The following CT47C1 variants were observed in gnomAD, a reference collection of about 807,000 sequenced individuals.
The protein encoded by CT47C1 is cancer/testis antigen family 47 member A11 pseudogene.
the CT47C1 span, chrX:119,073,413 CA>C: frequency 3.8e-6 from 2 of 523,015 alleles, no homozygotes; most frequent in Non-Finnish European, 6.9e-6. Context: ...GAGCAGGCGG[CA>C]GGCTTGGCCG....
At chrX:119,075,652 TGAAAA>T in the CT47C1 span, among the ~76,000 whole-genome samples, 1 of 112,311 alleles carries the variant, frequency 8.9e-6, no homozygotes, top group Admixed American at 9.4e-5. Context: ...ATGTGACAAA[TGAAAA>T]GAATGTGTGT....
At chrX:119,074,950 T>G in the CT47C1 span, 1 of 1,032,597 alleles carries the variant, frequency 9.7e-7, no homozygotes, top group Non-Finnish European at 1.3e-6. Flanking sequence ...TGTATTATTC[T>G]TCGCTAAAGA....
the CT47C1 span, chrX:119,073,176 G>T: frequency 6.6e-6 from 3 of 456,302 alleles, no homozygotes; most frequent in Middle Eastern, 3.5e-4. Context: ...CGTCTTCACC[G>T]TTGTCACCTC....
At chrX:119,076,320 A>G in the CT47C1 span, 1 of 112,595 alleles carries the variant, frequency 8.9e-6, no homozygotes, top group African/African-American at 3.2e-5. Flanking sequence ...ATCTTTCACA[A>G]ATGTATTTGA....
chrX:119,073,484 G>T, the CT47C1 span: 1 of 512,551 alleles, frequency 2.0e-6, no homozygotes, highest in Non-Finnish European at 3.5e-6. Flanking sequence ...AGTGGAGATG[G>T]TGGAGGAGGA....
At chrX:119,073,910 G>C in the CT47C1 span, 1 of 832,667 alleles carries the variant, frequency 1.2e-6, no homozygotes, top group Non-Finnish European at 1.8e-6. Flanking sequence ...GAAGCCCACA[G>C]AGGAGGCCGC....
the CT47C1 span, among the ~76,000 whole-genome samples, chrX:119,075,401 A>G: frequency 1.8e-5 from 2 of 111,971 alleles, no homozygotes; most frequent in Middle Eastern, 9.2e-3. Context: ...CCTACTACCT[A>G]AGATCAATAT....
chrX:119,073,637 C>T, the CT47C1 span: 23 of 569,363 alleles, frequency 4.0e-5, no homozygotes, highest in Middle Eastern at 4.7e-3. Context: ...CCTTCTCCTC[C>T]GCATCTATCA....
chrX:119,073,445 G>T, the CT47C1 span: 1 of 515,481 alleles, frequency 1.9e-6, no homozygotes, highest in South Asian at 2.5e-5. Flanking sequence ...GGGTGGGAAC[G>T]CCGAGGAAGA....
chrX:119,074,981 A>C, the CT47C1 span: 27 of 1,051,100 alleles, frequency 2.6e-5, no homozygotes, highest in Middle Eastern at 2.4e-4. Context: ...TATCAGCATG[A>C]AAAGTGGGAT....
the CT47C1 span, chrX:119,075,099 C>T: frequency 9.3e-7 from 1 of 1,080,778 alleles, no homozygotes; most frequent in African/African-American, 1.8e-5. Flanking sequence ...AGAGGGGAAG[C>T]TGAGAAAATC....
At chrX:119,076,590 C>A in the CT47C1 span, among the ~76,000 whole-genome samples, 11 of 112,221 alleles carry the variant, frequency 9.8e-5, no homozygotes, top group Non-Finnish European at 1.3e-4. Context: ...GTCTTTAGAG[C>A]TGTACTGTCT....
the CT47C1 span, among the ~76,000 whole-genome samples, chrX:119,074,561 A>AG: frequency 9.0e-6 from 1 of 111,594 alleles, no homozygotes; most frequent in East Asian, 2.8e-4. Flanking sequence ...TGAAACATTC[A>AG]GGGGGGTGAG....
the CT47C1 span, chrX:119,073,600 C>T: frequency 1.4e-3 from 741 of 544,447 alleles, 5 homozygotes; most frequent in African/African-American, 0.015. Flanking sequence ...GAGGCTTTCG[C>T]ATGGAGTTTC....
the CT47C1 span, among the ~76,000 whole-genome samples, chrX:119,076,057 A>G: frequency 1.8e-5 from 2 of 112,783 alleles, no homozygotes; most frequent in Non-Finnish European, 3.7e-5. Context: ...GATATAGCAC[A>G]CAAATGTTGC....
the CT47C1 span, among the ~76,000 whole-genome samples, chrX:119,074,664 C>T: frequency 9.0e-6 from 1 of 111,151 alleles, no homozygotes; most frequent in Non-Finnish European, 1.9e-5. Flanking sequence ...TGAGATCAGA[C>T]ACCATGATTC....
chrX:119,075,337 G>C, the CT47C1 span, among the ~76,000 whole-genome samples: 1 of 112,340 alleles, frequency 8.9e-6, no homozygotes. Context: ...TGTTCATGTT[G>C]AGGTCTTTTG....
the CT47C1 span, chrX:119,073,763 G>A: frequency 2.5e-5 from 20 of 813,463 alleles, no homozygotes; most frequent in South Asian, 2.9e-4. Flanking sequence ...GAGGCTGGGC[G>A]TGGGGGCCGC....
At chrX:119,075,134 A>G in the CT47C1 span, 2 of 1,073,642 alleles carry the variant, frequency 1.9e-6, no homozygotes, top group Non-Finnish European at 2.5e-6. Context: ...TAGCTTTGAG[A>G]ATCACTCAAC....
Sources: allele counts gnomAD v4.1 joint callset (sites outside exome capture counted in the v4.1 genomes callset), GRCh38; gene constraint gnomAD v4.1.1; transcripts MANE v1.5; gene names NCBI Gene and HGNC (gene_info 2026-07-23, HGNC 2026-07-21).